SLC2A13: variants seen among roughly 807,000 people sequenced by gnomAD.
The protein encoded by SLC2A13 is proton myo-inositol cotransporter.
In SLC2A13, 32 loss-of-function variants were observed where a neutral mutation model predicts 64.4. The ratio of observed to expected loss-of-function variants is 0.50; its 90% CI spans 0.37 to 0.67. The LOEUF (loss-of-function observed/expected upper bound fraction) is 0.67, where lower values mean the gene tolerates loss of function less well. Among genes scored for constraint, SLC2A13 ranks in the 30% least tolerant of loss-of-function variants. SLC2A13 has a pLI of 0.00. For synonymous variants in SLC2A13, 338 were observed against 327.1 expected, an observed-to-expected ratio of 1.03 and a Z score of -0.36; for missense variants, 743 against 829.2, an observed-to-expected ratio of 0.90 and a Z score of 1.28.
intron 4 of SLC2A13, among the ~76,000 whole-genome samples, chr12:39,903,559 A>G (rs1356201955): frequency 6.6e-6 from 1 of 152,062 alleles, no homozygotes; most frequent in Admixed American, 6.6e-5. Flanking sequence ...TATGTGGTAC[A>G]GAGGTAGGTA....
chr12:39,824,849 A>C (rs1942626461), intron 7 of SLC2A13, among the ~76,000 whole-genome samples: 1 of 152,160 alleles, frequency 6.6e-6, no homozygotes, highest in African/African-American at 2.4e-5. Flanking sequence ...CTGAGCAAAA[A>C]AAATAAAATA....
chr12:39,950,922 C>T (rs1163460338), intron 4 of SLC2A13: 1 of 321,766 alleles, frequency 3.1e-6, no homozygotes, highest in Non-Finnish European at 5.6e-6. Context: ...CAGGTGATTT[C>T]CTTCTATTTT....
At chr12:39,838,472 C>A in intron 6 of SLC2A13, among the ~76,000 whole-genome samples, 2 of 144,720 alleles carry the variant, frequency 1.4e-5, no homozygotes, top group South Asian at 2.2e-4. Context: ...GCACATGTAC[C>A]CTAAAACTTA....
intron 1 of SLC2A13, among the ~76,000 whole-genome samples, chr12:40,058,138 G>A (rs974710561): frequency 7.2e-5 from 11 of 151,736 alleles, no homozygotes; most frequent in Non-Finnish European, 8.8e-5. Flanking sequence ...AAAACTTAAC[G>A]AAGTAAACAT....
At chr12:39,993,547 G>A (rs982320229) in intron 3 of SLC2A13, among the ~76,000 whole-genome samples, 1 of 152,208 alleles carries the variant, frequency 6.6e-6, no homozygotes, top group African/African-American at 2.4e-5. Context: ...TAGCTTAAGA[G>A]TTATCTGAAT....
intron 4 of SLC2A13, among the ~76,000 whole-genome samples, chr12:39,896,286 GTA>G (rs1241837989): frequency 1.8e-4 from 21 of 119,766 alleles, no homozygotes; most frequent in East Asian, 2.9e-4. Context: ...ATACATGTAT[GTA>G]TATGTGTGTA....
At chr12:40,061,667 T>C (rs1302012600) in intron 1 of SLC2A13, among the ~76,000 whole-genome samples, 1 of 152,116 alleles carries the variant, frequency 6.6e-6, no homozygotes, top group Non-Finnish European at 1.5e-5. Context: ...CCACAGAATT[T>C]GGTGTCCACA....
At chr12:39,978,395 A>G (rs1313460589) in intron 3 of SLC2A13, among the ~76,000 whole-genome samples, 2 of 152,296 alleles carry the variant, frequency 1.3e-5, no homozygotes, top group East Asian at 3.9e-4. Context: ...TGATTTCTGC[A>G]TTTACATCTG....
intron 4 of SLC2A13, among the ~76,000 whole-genome samples, chr12:39,917,171 C>T (rs1945534066): frequency 6.6e-6 from 1 of 152,026 alleles, no homozygotes; most frequent in African/African-American, 2.4e-5. Flanking sequence ...TGCAGAGAAG[C>T]ATTTGGAGCT....
intron 3 of SLC2A13, among the ~76,000 whole-genome samples, chr12:39,967,769 G>A (rs1946546942): frequency 6.6e-6 from 1 of 152,164 alleles, no homozygotes; most frequent in Non-Finnish European, 1.5e-5. Flanking sequence ...TTAATGAAAG[G>A]AGGGAAGGAG....
At chr12:40,017,787 G>C (rs1246497872) in intron 3 of SLC2A13, among the ~76,000 whole-genome samples, 7 of 152,134 alleles carry the variant, frequency 4.6e-5, no homozygotes, top group Non-Finnish European at 8.8e-5. Flanking sequence ...GCTCTGAGCA[G>C]TGGTCTCATA....
At chr12:39,840,988 G>T (rs1188859308) in intron 6 of SLC2A13, among the ~76,000 whole-genome samples, 1 of 152,084 alleles carries the variant, frequency 6.6e-6, no homozygotes, top group African/African-American at 2.4e-5. Flanking sequence ...TAACAAGATT[G>T]AAGCTTGAAT....
chr12:39,865,248 C>T (rs138359609), intron 5 of SLC2A13, among the ~76,000 whole-genome samples: 97 of 152,240 alleles, frequency 6.4e-4, no homozygotes, highest in African/African-American at 1.9e-3. Flanking sequence ...TCAAGAAGCA[C>T]GAAAGACAAT....
chr12:39,915,820 A>T (rs952159125), intron 4 of SLC2A13, among the ~76,000 whole-genome samples: 1 of 152,020 alleles, frequency 6.6e-6, no homozygotes, highest in African/African-American at 2.4e-5. Flanking sequence ...ATCATAAAAA[A>T]ATTTGGAAAC....
At chr12:40,047,402 A>C (rs1297808527) in intron 2 of SLC2A13, among the ~76,000 whole-genome samples, 2 of 152,212 alleles carry the variant, frequency 1.3e-5, no homozygotes, top group African/African-American at 2.4e-5. Flanking sequence ...CCTTTTAATA[A>C]AATTTCTCTG....
At chr12:39,787,433 A>C (rs1272721982) in intron 7 of SLC2A13, among the ~76,000 whole-genome samples, 3 of 152,164 alleles carry the variant, frequency 2.0e-5, no homozygotes, top group Non-Finnish European at 4.4e-5. Flanking sequence ...TTCCCTGTGG[A>C]TATGATGTGT....
intron 1 of SLC2A13, among the ~76,000 whole-genome samples, chr12:40,060,861 T>C (rs1482571345): frequency 6.6e-6 from 1 of 152,118 alleles, no homozygotes; most frequent in African/African-American, 2.4e-5. Flanking sequence ...AAATAAATTT[T>C]AAAGTCATTA....
intron 6 of SLC2A13, among the ~76,000 whole-genome samples, chr12:39,832,269 TG>T (rs796503825): frequency 4.6e-5 from 7 of 152,290 alleles, no homozygotes; most frequent in African/African-American, 1.7e-4. Context: ...ACTAGTATTT[TG>T]TTTTGTATTC....
rs8181671 is a variant in SLC2A13 at position 40,003,853 on chromosome 12, C to T, written c.925+24448G>A. Among the ~76,000 whole-genome samples the T allele has an allele frequency of 8.0e-4, 122 of 151,770 alleles. 1 individual carries two copies. Among genetic ancestry groups the T allele is most frequent in the East Asian group, 4.9e-3 (25 of 5,126 alleles). On this transcript the variant is annotated intron_variant, in intron 3 of 9. Coordinates refer to ENST00000280871, the MANE Select transcript of SLC2A13 (RefSeq NM_052885.4). ...GCACAGAAAGTTTAAATTAGCTGGGCGTGGTGACGGGCGCCGGTAATCTCA... is the reference window on the plus strand; with the variant it reads ...GCACAGAAAGTTTAAATTAGCTGGGTGTGGTGACGGGCGCCGGTAATCTCA...
Sources: gnomAD v4.1 joint callset for allele counts (sites outside exome capture counted in the v4.1 genomes callset) on GRCh38, gnomAD v4.1.1 for gene constraint, MANE v1.5 for transcripts, NCBI Gene and HGNC (gene_info 2026-07-23, HGNC 2026-07-21) for gene names.